The following ACTR3 variants were observed in gnomAD, a reference collection of about 807,000 sequenced individuals.
ACTR3 encodes actin related protein 3.
In ACTR3, 12 loss-of-function variants were observed where a neutral mutation model predicts 56.8. The ratio of observed to expected loss-of-function variants is 0.21; its 90% CI spans 0.14 to 0.34. ACTR3 has a LOEUF of 0.34. Among genes scored for constraint, ACTR3 ranks in the 10% least tolerant of loss-of-function variants. The pLI is 1.00. For synonymous variants in ACTR3, 162 were observed against 167.4 expected, an observed-to-expected ratio of 0.97 and a Z score of 0.25; for missense variants, 282 against 512.5, an observed-to-expected ratio of 0.55 and a Z score of 4.34.
chr2:113,917,096 C>T lies in ACTR3; in HGVS notation c.225+88C>T, dbSNP rs1679420279. On this transcript the variant is annotated intron_variant, in intron 3 of 11. Transcript: ENST00000263238. ...CTCTGGAATTCACTCTATAATAGAC[C>T]TTATTAATATCCTCAAACCTCTTCT... 6.4e-6 allele frequency: 7 copies of T among 1,095,466 alleles called. No individual in the cohort carries two copies. The South Asian group carries it at 1.5e-4, about 23-fold the overall frequency. 67.9% of individuals were successfully genotyped at this position (1,095,466 alleles called of 1,614,324 possible).
intron 2 of ACTR3, among the ~76,000 whole-genome samples, chr2:113,915,453 A>G (rs1279496215): frequency 6.6e-6 from 1 of 152,132 alleles, no homozygotes; most frequent in Non-Finnish European, 1.5e-5. Flanking sequence ...AACTGTGAAG[A>G]CCCTATTTCC....
intron 1 of ACTR3, among the ~76,000 whole-genome samples, chr2:113,897,631 ATTC>A (rs1679034436): frequency 6.9e-6 from 1 of 144,116 alleles, no homozygotes; most frequent in African/African-American, 2.5e-5. Context: ...GGTTCAAGCT[ATTC>A]TTCTGCCTCA....
chr2:113,928,318 C>T (rs746262473), intron 4 of ACTR3, among the ~76,000 whole-genome samples: 27 of 152,188 alleles, frequency 1.8e-4, no homozygotes, highest in Non-Finnish European at 2.9e-4. Context: ...TGCTTCATGA[C>T]GTCTATCCAT....
intron 6 of ACTR3, 53 bp from the exon 7 acceptor site, chr2:113,939,906 A>G: frequency 6.6e-7 from 1 of 1,521,806 alleles, no homozygotes; most frequent in Non-Finnish European, 8.9e-7. Context: ...TTTGGGTTAT[A>G]TTAATTTTCA....
At chr2:113,916,434 A>G (rs1679406351) in intron 2 of ACTR3, among the ~76,000 whole-genome samples, 2 of 152,190 alleles carry the variant, frequency 1.3e-5, no homozygotes, top group African/African-American at 4.8e-5. Flanking sequence ...TACTAGACCC[A>G]ATCACTATTA....
At chr2:113,934,856 C>CTTCA (rs1559480528) in intron 6 of ACTR3, among the ~76,000 whole-genome samples, 1 of 151,950 alleles carries the variant, frequency 6.6e-6, no homozygotes, top group Non-Finnish European at 1.5e-5. Context: ...CTTCCAAGGC[C>CTTCA]GTTGTGCTTC....
At chr2:113,914,587 G>T (rs527605654) in intron 2 of ACTR3, among the ~76,000 whole-genome samples, 2 of 148,502 alleles carry the variant, frequency 1.3e-5, no homozygotes, top group Non-Finnish European at 3.0e-5. Context: ...TTCCAGGCCT[G>T]GGGGGTGACA....
chr2:113,894,092 T>C (rs975868846), intron 1 of ACTR3, among the ~76,000 whole-genome samples: 8 of 150,856 alleles, frequency 5.3e-5, no homozygotes, highest in African/African-American at 2.0e-4. Context: ...TAATGCTGTT[T>C]CTTTTTTTTT....
At chr2:113,930,088 A>G (rs1679692023) in intron 4 of ACTR3, among the ~76,000 whole-genome samples, 1 of 152,150 alleles carries the variant, frequency 6.6e-6, no homozygotes, top group African/African-American at 2.4e-5. Flanking sequence ...TCTTTCATGT[A>G]CGATTGTTAT....
intron 8 of ACTR3, among the ~76,000 whole-genome samples, chr2:113,950,453 G>GA (rs1369565088): frequency 6.6e-6 from 1 of 152,200 alleles, no homozygotes; most frequent in African/African-American, 2.4e-5. Context: ...CCTCAATGGG[G>GA]AATGTGCACA....
chr2:113,932,383 A>G (rs1324569014), intron 5 of ACTR3, among the ~76,000 whole-genome samples: 1 of 152,080 alleles, frequency 6.6e-6, no homozygotes, highest in African/African-American at 2.4e-5. Context: ...TTCACTTGGG[A>G]GTTTTTGCTT....
chr2:113,914,614 C>CAAAAAAAAAA (rs55784117), intron 2 of ACTR3, among the ~76,000 whole-genome samples: 1 of 69,152 alleles, frequency 1.4e-5, no homozygotes, highest in African/African-American at 4.2e-5. Context: ...GACTCAGTCT[C>CAAAAAAAAAA]AAAAAAAAAA....
At position 113,959,609 on chromosome 2, in the gene ACTR3, C is replaced by T. The variant is rs1680290737; in HGVS notation, c.*2154C>T. On this transcript the variant is annotated 3_prime_UTR_variant, in exon 12 of 12. Transcript: ENST00000263238. ...CCTTCTTGTGTATGTTCTGATATCC[C>T]TTTGCTCTACTTTTAGAGGAGTGAA... 1 of 152,028 alleles carries T rather than the reference C, an allele frequency of 6.6e-6. No individual in the cohort carries two copies. The highest frequency in any genetic ancestry group is 1.9e-4 in the East Asian group (1 of 5,200). 9.4% of individuals were successfully genotyped at this position (152,028 alleles called of 1,614,324 possible). A position where few individuals can be genotyped will look rare whatever the true frequency, so the allele number is the denominator to read the frequency against.
chr2:113,897,530 T>A (rs1303443672), intron 1 of ACTR3, among the ~76,000 whole-genome samples: 14 of 145,840 alleles, frequency 9.6e-5, no homozygotes, highest in South Asian at 6.7e-4. Flanking sequence ...TTTTTTTTTT[T>A]TTTTTTTTTT....
At chr2:113,921,114 T>A (rs1371007225) in intron 3 of ACTR3, among the ~76,000 whole-genome samples, 3 of 152,158 alleles carry the variant, frequency 2.0e-5, no homozygotes, top group African/African-American at 7.2e-5. Context: ...TTTCTGCACA[T>A]CCTTGCCAGC....
chr2:113,912,736 T>C (rs1199534111), intron 1 of ACTR3, among the ~76,000 whole-genome samples: 1 of 152,222 alleles, frequency 6.6e-6, no homozygotes, highest in Non-Finnish European at 1.5e-5. Context: ...GTATCTTTGT[T>C]CAATAAGTAA....
chr2:113,907,976 CAAAAAAAA>C (rs70937249), intron 1 of ACTR3, among the ~76,000 whole-genome samples: 1 of 69,078 alleles, frequency 1.4e-5, no homozygotes, highest in South Asian at 4.6e-4. Context: ...CTCTGTCCCC[CAAAAAAAA>C]AAAAAAAAAA....
intron 6 of ACTR3, among the ~76,000 whole-genome samples, chr2:113,939,669 T>C (rs6718539): frequency 0.12 from 18,640 of 152,240 alleles, 1,822 homozygotes; most frequent in African/African-American, 0.27. Context: ...CCATCTGATA[T>C]AAAGTCTGCT....
chr2:113,929,620 A>G (rs758853774), intron 4 of ACTR3, among the ~76,000 whole-genome samples: 12 of 151,810 alleles, frequency 7.9e-5, no homozygotes, highest in Non-Finnish European at 1.5e-4. Flanking sequence ...ACCTTTTTGC[A>G]CACCCCCCAG....
Sources: allele counts gnomAD v4.1 joint callset (sites outside exome capture counted in the v4.1 genomes callset), GRCh38; gene constraint gnomAD v4.1.1; transcripts MANE v1.5; gene names NCBI Gene and HGNC (gene_info 2026-07-23, HGNC 2026-07-21).